FCAMR: variants seen among roughly 807,000 people sequenced by gnomAD.
FCAMR encodes Fc alpha and mu receptor.
In FCAMR, 51 loss-of-function variants were observed where a neutral mutation model predicts 52.2. The ratio of observed to expected loss-of-function variants is 0.98; its 90% CI spans 0.78 to 1.23. FCAMR has a LOEUF of 1.23. FCAMR is among the 50% of genes most tolerant of loss of function. The pLI, the probability that FCAMR is intolerant of heterozygous loss-of-function variation, is 0.00. For missense variants in FCAMR, 719 were observed against 712.6 expected (o/e 1.01, Z -0.10); for synonymous variants, 282 against 262.0 (o/e 1.08, Z -0.74).
At chr1:206,967,479 A>G (rs2102269050) in intron 2 of FCAMR, 104 bp downstream of exon 2, 6 of 1,283,240 alleles carry the variant, frequency 4.7e-6, no homozygotes, top group East Asian at 2.3e-5. Context: ...TTGAAGTCCA[A>G]ACTCTAGTTG....
chr1:206,965,584 A>G (rs1365296723), intron 4 of FCAMR, 131 bp downstream of exon 4: 1 of 1,133,632 alleles, frequency 8.8e-7, no homozygotes, highest in African/African-American at 1.6e-5. Flanking sequence ...GTTACTCAGC[A>G]ATTGTCTATT....
intron 4 of FCAMR, 76 bp downstream of exon 4, chr1:206,965,639 G>T: frequency 6.8e-7 from 1 of 1,477,084 alleles, no homozygotes; most frequent in South Asian, 1.4e-5. Context: ...TATAGCTGTA[G>T]GGAGCCTGAC....
intron 4 of FCAMR, among the ~76,000 whole-genome samples, chr1:206,963,309 C>T (rs1183347767): frequency 6.6e-6 from 1 of 152,068 alleles, no homozygotes; most frequent in Non-Finnish European, 1.5e-5. Context: ...TGGCAACAGG[C>T]CTAAGGACAA....
chr1:206,959,574 C>A, intron 7 of FCAMR, 105 bp downstream of exon 7: 1 of 811,146 alleles, frequency 1.2e-6, no homozygotes, highest in South Asian at 1.5e-5. Context: ...GAATTTAGCT[C>A]TTCTACATTG....
chr1:206,964,254 C>T (rs879342560), intron 4 of FCAMR, among the ~76,000 whole-genome samples: 2 of 152,178 alleles, frequency 1.3e-5, no homozygotes, highest in Non-Finnish European at 2.9e-5. Context: ...CTGGGACCAG[C>T]TCTATGTGTC....
At chr1:206,967,824 C>G (rs1680774547) in intron 1 of FCAMR, among the ~76,000 whole-genome samples, 173 bp from the exon 2 acceptor site, 1 of 152,210 alleles carries the variant, frequency 6.6e-6, no homozygotes, top group African/African-American at 2.4e-5. Context: ...TCTGTCCCCC[C>G]ATCCACACTG....
intron 3 of FCAMR, 74 bp from the exon 4 acceptor site, chr1:206,965,932 C>A (rs766902517): frequency 1.9e-6 from 3 of 1,599,192 alleles, no homozygotes; most frequent in Admixed American, 1.7e-5. Flanking sequence ...GAGGAAGAAG[C>A]AAACAGCCAG....
chr1:206,967,231 G>A, intron 2 of FCAMR, 119 bp from the exon 3 acceptor site: 1 of 969,036 alleles, frequency 1.0e-6, no homozygotes, highest in South Asian at 1.4e-5. Context: ...CAGGGGCTGG[G>A]TTGCAGATAT....
chr1:206,965,636 G>C (rs967497419), intron 4 of FCAMR, 79 bp downstream of exon 4: 4 of 1,462,614 alleles, frequency 2.7e-6, no homozygotes, highest in Non-Finnish European at 3.6e-6. Context: ...GCCTATAGCT[G>C]TAGGGAGCCT....
intron 1 of FCAMR, chr1:206,969,193 AGCACATGTTGGG>A: frequency 2.4e-6 from 1 of 408,342 alleles, no homozygotes; most frequent in South Asian, 1.7e-5. Context: ...GTGCTGATGC[AGCACATGTTGGG>A]GCCAAAGTCT....
At chr1:206,966,428 C>T (rs1159491858) in intron 3 of FCAMR, among the ~76,000 whole-genome samples, 2 of 152,170 alleles carry the variant, frequency 1.3e-5, no homozygotes, top group African/African-American at 4.8e-5. Context: ...CTCTATTGCC[C>T]AGGTTGGAGT....
intron 1 of FCAMR, among the ~76,000 whole-genome samples, chr1:206,968,025 T>C (rs1680781768): frequency 1.3e-5 from 2 of 152,230 alleles, no homozygotes; most frequent in Admixed American, 1.3e-4. Flanking sequence ...CAATGGTCTT[T>C]TACCGCTTGC....
At chr1:206,959,027 C>T (rs546928659) in intron 7 of FCAMR, 3 of 480,052 alleles carry the variant, frequency 6.2e-6, no homozygotes, top group African/African-American at 5.9e-5. Flanking sequence ...GGTTTGATCC[C>T]AGGTCTGGGC....
At chr1:206,966,635 G>C (rs34367837) in intron 3 of FCAMR, among the ~76,000 whole-genome samples, 27,674 of 152,118 alleles carry the variant, frequency 0.18, 2,601 homozygotes, top group East Asian at 0.33. Flanking sequence ...CCGCCTGCCT[G>C]GGCCTCCCAA....
At position 206,962,463 on chromosome 1, in the gene FCAMR, G is replaced by A; in HGVS notation, c.402C>T (p.Val134=). The A allele has an allele frequency of 6.2e-7, 1 of 1,613,794 alleles. No individual in the cohort carries two copies. The highest frequency in any genetic ancestry group is 8.5e-7 in the Non-Finnish European group (1 of 1,179,702). Reference sequence around the variant, plus strand: ...ACCAGTACTTCCTCTGGTGCCTGTTGACAGATGAGGGGGCATAATGGCACT... The same window carrying A: ...ACCAGTACTTCCTCTGGTGCCTGTTAACAGATGAGGGGGCATAATGGCACT... ...TIQCHYAPSS[V]NRHQRKYWCR... Residue 134 remains valine (V), a synonymous_variant, in exon 5 of 8, where the codon GTC becomes GTT. Coordinates refer to ENST00000324852, the MANE Select transcript of FCAMR (RefSeq NM_001170631.2).
chr1:206,967,940 G>A (rs2000057), intron 1 of FCAMR, among the ~76,000 whole-genome samples: 27,673 of 152,146 alleles, frequency 0.18, 2,599 homozygotes, highest in East Asian at 0.33. Context: ...GATCTAGCAC[G>A]TTGTAGATGT....
In FCAMR at chr1:206,959,803, G is replaced by T. The variant is rs1225445257; in HGVS notation, c.1455-6C>A. The T allele has an allele frequency of 3.1e-6, 5 of 1,608,418 alleles. No homozygotes were observed. Among genetic ancestry groups the T allele is most frequent in the Non-Finnish European group, 4.3e-6 (5 of 1,174,852 alleles). On this transcript the variant is annotated splice_polypyrimidine_tract_variant and splice_region_variant and intron_variant, in intron 6 of 7. Transcript: ENST00000324852. The stretch of plus-strand genomic sequence containing the variant: ...TTTCATCTTCTGGAAAAGTACTACA[G>T]TGGGGGTGGAAAGAGCACAGGGGAG...
rs200930298 is a variant in FCAMR at position 206,967,668 on chromosome 1, A to G, written c.40-17T>C. On this transcript the variant is annotated splice_polypyrimidine_tract_variant and intron_variant, in intron 1 of 7. Transcript: ENST00000324852. ...CACCACTTCCTGTTTGCAGAAGGGG[A>G]ATTGGTTTTTTCAAGGGAAGATTTC... 24 of 1,613,530 alleles carry G rather than the reference A, an allele frequency of 1.5e-5. No individual in the cohort carries two copies. The Admixed American group carries it at 3.8e-4, about 26-fold the overall frequency.
Position 206,962,503 on chromosome 1 carries a change from C to G in FCAMR, c.362G>C (p.Gly121Ala), listed in dbSNP as rs1284086498. 1 of 1,602,100 alleles carries G rather than the reference C, an allele frequency of 6.2e-7. No individual in the cohort carries two copies. Residue 121 changes from glycine to alanine, a missense_variant, in exon 5 of 8, where the codon GGA (glycine) becomes GCA (alanine). Coordinates refer to ENST00000324852, the MANE Select transcript of FCAMR (RefSeq NM_001170631.2). ...GSRLVSGEPGGAVTIQCHYAP... is the reference protein window; with the variant it reads ...GSRLVSGEPGAAVTIQCHYAP... ...ATAATGGCACTGGATGGTGACAGCT[C>G]CTCCAGGCTCCCCTGACACCAGCCT...
Sources: allele counts gnomAD v4.1 joint callset (sites outside exome capture counted in the v4.1 genomes callset), GRCh38; gene constraint gnomAD v4.1.1; transcripts MANE v1.5; gene names NCBI Gene and HGNC (gene_info 2026-07-23, HGNC 2026-07-21).